The following EGFLAM variants were observed in gnomAD, a reference collection of about 807,000 sequenced individuals.
The protein encoded by EGFLAM is pikachurin.
Under a neutral mutation model 113.1 loss-of-function variants are expected in EGFLAM, and 79 were observed. That is an observed-to-expected ratio of 0.70 (90% CI 0.58 to 0.84). The LOEUF (loss-of-function observed/expected upper bound fraction) is 0.84, where lower values mean the gene tolerates loss of function less well. EGFLAM is among the 40% of genes least tolerant of loss of function. EGFLAM has a pLI of 0.00. For synonymous variants in EGFLAM, 504 were observed against 487.6 expected (o/e 1.03, Z -0.44); for missense variants, 1,265 against 1,291.6 (o/e 0.98, Z 0.32).
intron 12 of EGFLAM, among the ~76,000 whole-genome samples, chr5:38,422,275 A>G (rs527645399): frequency 7.0e-4 from 106 of 152,260 alleles, no homozygotes; most frequent in Non-Finnish European, 1.3e-3. Context: ...ATTGATAATG[A>G]GGTCTGTGTA....
Position 38,375,094 on chromosome 5 carries a change from TTTTAG to T in EGFLAM, c.712+4637_712+4641del, listed in dbSNP as rs201386364. Among the ~76,000 whole-genome samples, 1,284 of 146,056 alleles carry T rather than the reference TTTTAG, an allele frequency of 8.8e-3. 11 individuals are homozygous for T. Among genetic ancestry groups the T allele is most frequent in the South Asian group, 0.039 (175 of 4,532 alleles). ...TTTTTTTTTTGGCTGTGCAGAAACT[TTTTAG>T]TTTAAGTCCCATTTGTCTATTTTTG... On this transcript the variant is annotated intron_variant, in intron 6 of 21. Transcript: ENST00000322350.
intron 1 of EGFLAM, among the ~76,000 whole-genome samples, chr5:38,311,939 T>G (rs1307531035): frequency 6.6e-6 from 1 of 152,206 alleles, no homozygotes; most frequent in Non-Finnish European, 1.5e-5. Flanking sequence ...TATTGTTTAT[T>G]TCACAAGGCA....
At chr5:38,394,050 C>A (rs1249364921) in intron 6 of EGFLAM, among the ~76,000 whole-genome samples, 2 of 152,114 alleles carry the variant, frequency 1.3e-5, no homozygotes, top group Admixed American at 6.5e-5. Flanking sequence ...ATCTCCGAAG[C>A]CGCACCGTCT....
At chr5:38,413,213 G>C (rs112799243) in intron 11 of EGFLAM, among the ~76,000 whole-genome samples, 4,221 of 101,720 alleles carry the variant, frequency 0.041, 239 homozygotes, top group African/African-American at 0.15. Flanking sequence ...TTTTTTTGTA[G>C]AGTTAGAGTT....
rs138952831 is a variant in EGFLAM at position 38,367,749 on chromosome 5, C to A, written c.546-2547C>A. 4.2e-4 allele frequency among the ~76,000 whole-genome samples: 64 copies of A among 152,298 alleles called. No individual in the cohort carries two copies. The East Asian group carries it at 7.3e-3, about 17-fold the overall frequency. ...TTTTGGAGGATGATTTAAGACAATA[C>A]TTTTGCCTGGTCATCTCTTTCTCAG... On this transcript the variant is annotated intron_variant, in intron 5 of 21. Coordinates refer to ENST00000322350, the MANE Select transcript of EGFLAM (RefSeq NM_152403.4).
At chr5:38,270,903 T>A (rs1376300619) in intron 1 of EGFLAM, among the ~76,000 whole-genome samples, 3 of 152,200 alleles carry the variant, frequency 2.0e-5, no homozygotes, top group Non-Finnish European at 4.4e-5. Context: ...CTTTTCTATA[T>A]TTATTGTAAC....
At chr5:38,362,629 A>G (rs1000927682) in intron 5 of EGFLAM, among the ~76,000 whole-genome samples, 6 of 152,194 alleles carry the variant, frequency 3.9e-5, no homozygotes, top group Non-Finnish European at 8.8e-5. Flanking sequence ...CTTGGATGTC[A>G]GCTGGGATTT....
intron 15 of EGFLAM, among the ~76,000 whole-genome samples, chr5:38,432,490 TG>T (rs1742218510): frequency 7.5e-5 from 1 of 13,324 alleles, no homozygotes; most frequent in East Asian, 1.9e-3. Context: ...GGAGGAAGGG[TG>T]GGGGCAGGGA....
At chr5:38,380,774 A>G (rs1740489361) in intron 6 of EGFLAM, among the ~76,000 whole-genome samples, 1 of 150,150 alleles carries the variant, frequency 6.7e-6, no homozygotes, top group South Asian at 2.1e-4. Flanking sequence ...TCTACAGGGA[A>G]TGATTCACTT....
At chr5:38,270,496 A>AC (rs1757740247) in intron 1 of EGFLAM, among the ~76,000 whole-genome samples, 1 of 123,538 alleles carries the variant, frequency 8.1e-6, no homozygotes, top group African/African-American at 2.8e-5. Flanking sequence ...TTTGGAAAAA[A>AC]AAAAACAACA....
chr5:38,342,949 G>A (rs1178447821), intron 3 of EGFLAM, among the ~76,000 whole-genome samples: 1 of 152,050 alleles, frequency 6.6e-6, no homozygotes, highest in Admixed American at 6.6e-5. Context: ...TGCTGTCCCC[G>A]GCGATGCACC....
chr5:38,370,548 CAGA>C, intron 6 of EGFLAM, 86 bp downstream of exon 6: 3 of 1,466,244 alleles, frequency 2.0e-6, no homozygotes, highest in South Asian at 2.7e-5. Flanking sequence ...GGATGCCGTG[CAGA>C]AGGACAGCCT....
At chr5:38,321,806 T>G (rs1335028927) in intron 1 of EGFLAM, among the ~76,000 whole-genome samples, 2 of 152,114 alleles carry the variant, frequency 1.3e-5, no homozygotes, top group African/African-American at 2.4e-5. Flanking sequence ...CACTCAGAGG[T>G]GCAGACCTAC....
chr5:38,463,028 C>A lies in EGFLAM; in HGVS notation c.2875+17C>A. ...TGTATGTGGGTAAGTGACCGACCCTCGACCAAAGCAAAATTAGGCCAGTGC... is the reference window on the plus strand; with the variant it reads ...TGTATGTGGGTAAGTGACCGACCCTAGACCAAAGCAAAATTAGGCCAGTGC... On this transcript the variant is annotated intron_variant, in intron 21 of 21. Coordinates refer to ENST00000322350, the MANE Select transcript of EGFLAM (RefSeq NM_152403.4). 1 of 1,606,434 alleles carries A rather than the reference C, an allele frequency of 6.2e-7. No individual in the cohort carries two copies. The highest frequency in any genetic ancestry group is 8.5e-7 in the Non-Finnish European group (1 of 1,174,442).
At chr5:38,369,803 G>A (rs548086009) in intron 5 of EGFLAM, among the ~76,000 whole-genome samples, 3 of 152,308 alleles carry the variant, frequency 2.0e-5, no homozygotes, top group Non-Finnish European at 4.4e-5. Context: ...GTATAATTAA[G>A]ACTAAGAATG....
In EGFLAM at chr5:38,426,230, T is replaced by C. The variant is rs377521031; in HGVS notation, c.1811-779T>C. On this transcript the variant is annotated intron_variant, in intron 13 of 21. Transcript: ENST00000322350. ...TTTAATACTGTATATACAGAGAGTA[T>C]GTAAATATATATACATGCACACACA... 6.8e-4 allele frequency among the ~76,000 whole-genome samples: 104 copies of C among 152,238 alleles called. 1 individual carries two copies. The South Asian group carries it at 0.021, about 31-fold the overall frequency.
chr5:38,326,032 G>A (rs1231747209), intron 1 of EGFLAM, among the ~76,000 whole-genome samples: 1 of 152,072 alleles, frequency 6.6e-6, no homozygotes, highest in African/African-American at 2.4e-5. Flanking sequence ...CACTCAGTTT[G>A]TGGTGACAGG....
intron 3 of EGFLAM, among the ~76,000 whole-genome samples, chr5:38,348,947 G>C (rs1463524340): frequency 6.6e-6 from 1 of 152,180 alleles, no homozygotes; most frequent in African/African-American, 2.4e-5. Flanking sequence ...TCTGTCCCCT[G>C]TAGATTCTGA....
chr5:38,349,452 A>T (rs1459971092), intron 3 of EGFLAM, among the ~76,000 whole-genome samples: 2 of 152,190 alleles, frequency 1.3e-5, no homozygotes, highest in African/African-American at 2.4e-5. Flanking sequence ...AGTATCTCAA[A>T]TGTTACAATC....
Sources: gnomAD v4.1 joint callset for allele counts (sites outside exome capture counted in the v4.1 genomes callset) on GRCh38, gnomAD v4.1.1 for gene constraint, MANE v1.5 for transcripts, NCBI Gene and HGNC (gene_info 2026-07-23, HGNC 2026-07-21) for gene names.